MICAL3: variants seen among roughly 807,000 people sequenced by gnomAD.
MICAL3 encodes [F-actin]-monooxygenase MICAL3.
MICAL3 carries 62 observed loss-of-function variants against 207.4 expected under a neutral mutation model. The observed-to-expected ratio is 0.30, with a 90% CI of 0.24 to 0.37. The LOEUF (loss-of-function observed/expected upper bound fraction) is 0.37, where lower values mean the gene tolerates loss of function less well. Ranked by LOEUF, MICAL3 falls within the 10% of genes least tolerant of loss-of-function variation. The probability of loss-of-function intolerance (pLI) is 1.00; values close to 1 mark genes in which losing one functional copy is unlikely to be tolerated. For missense variants in MICAL3, 2,368 were observed against 2,635.6 expected (o/e 0.90, Z 2.22); for synonymous variants, 1,077 against 1,069.3 (o/e 1.01, Z -0.14).
At chr22:17,976,533 A>ATGTGTGTGTG (rs1278243661) in intron 1 of MICAL3, among the ~76,000 whole-genome samples, 24 of 115,460 alleles carry the variant, frequency 2.1e-4, no homozygotes, top group African/African-American at 7.7e-4. Context: ...ATGTGTATAT[A>ATGTGTGTGTG]TATGTGTGTG....
At chr22:17,923,599 T>C (rs1932848755) in intron 1 of MICAL3, among the ~76,000 whole-genome samples, 1 of 152,254 alleles carries the variant, frequency 6.6e-6, no homozygotes, top group African/African-American at 2.4e-5. Flanking sequence ...GGTCCTGAGC[T>C]GGGCTTTGCC....
chr22:17,898,200 T>C (rs1931015890), intron 7 of MICAL3, among the ~76,000 whole-genome samples: 2 of 152,214 alleles, frequency 1.3e-5, no homozygotes, highest in Non-Finnish European at 2.9e-5. Context: ...CAGTTCTGCC[T>C]GCGTGGCAGA....
chr22:17,988,476 A>T (rs1245931512), intron 1 of MICAL3, among the ~76,000 whole-genome samples: 2 of 152,138 alleles, frequency 1.3e-5, no homozygotes, highest in African/African-American at 4.8e-5. Context: ...GTTTCCTGAG[A>T]CGGAGTCTCA....
chr22:17,850,926 T>C (rs1925259613), intron 19 of MICAL3, among the ~76,000 whole-genome samples: 1 of 152,206 alleles, frequency 6.6e-6, no homozygotes, highest in Non-Finnish European at 1.5e-5. Context: ...TGTTATACCA[T>C]CTCACAGGTA....
chr22:17,897,212 C>G (rs929849995), intron 7 of MICAL3, among the ~76,000 whole-genome samples: 1 of 151,984 alleles, frequency 6.6e-6, no homozygotes, highest in Non-Finnish European at 1.5e-5. Flanking sequence ...CACTTGAGGA[C>G]GTGACTTCGA....
chr22:17,946,434 C>A (rs1221664638), intron 1 of MICAL3, among the ~76,000 whole-genome samples: 1 of 152,196 alleles, frequency 6.6e-6, no homozygotes, highest in African/African-American at 2.4e-5. Context: ...CCGGAGAGTT[C>A]TTTCATTTAG....
In MICAL3 at chr22:17,906,841, G is replaced by T. The variant is rs376582078; in HGVS notation, c.-29C>A. The T allele has an allele frequency of 6.9e-5, 106 of 1,545,290 alleles. No individual in the cohort carries two copies. The highest frequency in any genetic ancestry group is 1.5e-5 in the Non-Finnish European group (17 of 1,145,958). On this transcript the variant is annotated 5_prime_UTR_variant, in exon 2 of 32. Coordinates refer to ENST00000441493, the MANE Select transcript of MICAL3 (RefSeq NM_015241.3). ...GCCTCACTCTCAGCACTCCCCAGAG[G>T]GGGAGGTGGGATGGCTGTGGGTCCA...
rs1304038217 is a variant in MICAL3, at chr22:17,899,494, A to C, written c.902T>G (p.Met301Arg). ...CAGCAAACTCTGCTTTTTGGCTGTC[A>C]TAACGAAATAGTGTGTGTCATCTTT... ...YYKDDTHYFV[M>R]TAKKQSLLDK... The change falls in exon 7 of 32, where the codon ATG becomes AGG. Residue 301 changes from methionine to arginine, a missense_variant. Coordinates refer to ENST00000441493, the MANE Select transcript of MICAL3 (RefSeq NM_015241.3). 6.2e-7 allele frequency: 1 copy of C among 1,610,412 alleles called. No individual in the cohort carries two copies. The highest frequency in any genetic ancestry group is 1.7e-5 in the Admixed American group (1 of 59,572).
chr22:17,981,493 C>T (rs1602342128), intron 1 of MICAL3, among the ~76,000 whole-genome samples: 1 of 150,364 alleles, frequency 6.7e-6, no homozygotes, highest in Admixed American at 6.8e-5. Flanking sequence ...ACACAAAATA[C>T]TAAGTTTAAA....
At chr22:17,938,930 G>A (rs557554921) in intron 1 of MICAL3, among the ~76,000 whole-genome samples, 2 of 152,300 alleles carry the variant, frequency 1.3e-5, no homozygotes, top group East Asian at 3.9e-4. Context: ...CAAACTCCCA[G>A]TAAAGGGGTG....
At chr22:17,842,172 C>T in intron 19 of MICAL3, 155 bp from the exon 20 acceptor site, 1 of 682,452 alleles carries the variant, frequency 1.5e-6, no homozygotes, top group Non-Finnish European at 2.5e-6. Flanking sequence ...AGAGAAGGAC[C>T]CTGGCATGTG....
chr22:18,001,469 G>A (rs1923007142), intron 1 of MICAL3: 1 of 152,280 alleles, frequency 6.6e-6, no homozygotes, highest in African/African-American at 2.4e-5. Context: ...CGCAGCCCGA[G>A]CGTCCGGCGC....
At chr22:17,912,780 A>G (rs1932225017) in intron 1 of MICAL3, among the ~76,000 whole-genome samples, 1 of 152,200 alleles carries the variant, frequency 6.6e-6, no homozygotes, top group African/African-American at 2.4e-5. Flanking sequence ...ACAAATGGAG[A>G]TAACTGTCTT....
At chr22:17,856,636 A>T (rs1484237260) in intron 19 of MICAL3, among the ~76,000 whole-genome samples, 2 of 98,648 alleles carry the variant, frequency 2.0e-5, no homozygotes, top group Non-Finnish European at 1.9e-5. Context: ...TTTTTTTGAG[A>T]CGGAGTCTCG....
chr22:17,885,636 A>T (rs1418183364), intron 16 of MICAL3, among the ~76,000 whole-genome samples: 3 of 151,934 alleles, frequency 2.0e-5, no homozygotes, highest in African/African-American at 7.3e-5. Context: ...TTTTTTTTAG[A>T]TCCCTCTGCT....
chr22:17,863,261 C>G, intron 19 of MICAL3: 3 of 985,416 alleles, frequency 3.0e-6, no homozygotes, highest in South Asian at 9.4e-5. Context: ...GTACTCCAAA[C>G]CGAAATGGAA....
chr22:17,979,251 C>G (rs1382459563), intron 1 of MICAL3, among the ~76,000 whole-genome samples: 1 of 148,334 alleles, frequency 6.7e-6, no homozygotes, highest in Non-Finnish European at 1.5e-5. Context: ...TAGGTATAAA[C>G]ATATGTAAAC....
intron 29 of MICAL3, among the ~76,000 whole-genome samples, chr22:17,797,862 G>A (rs1178750924): frequency 2.6e-5 from 4 of 152,236 alleles, no homozygotes; most frequent in Non-Finnish European, 2.9e-5. Flanking sequence ...GCACGTCGGC[G>A]GGCCGTCCTC....
intron 1 of MICAL3, among the ~76,000 whole-genome samples, chr22:17,918,943 T>C (rs1380406898): frequency 1.3e-5 from 2 of 152,178 alleles, no homozygotes; most frequent in Non-Finnish European, 2.9e-5. Flanking sequence ...AGCTGACACA[T>C]ATATTCAAAT....
Sources: gnomAD v4.1 joint callset for allele counts (sites outside exome capture counted in the v4.1 genomes callset) on GRCh38, gnomAD v4.1.1 for gene constraint, MANE v1.5 for transcripts, NCBI Gene and HGNC (gene_info 2026-07-23, HGNC 2026-07-21) for gene names.